Variants in U2SURP observed in about 807,000 individuals in gnomAD.
U2SURP encodes the protein U2 snRNP associated SURP domain containing.
A neutral mutation model predicts 144.9 loss-of-function variants in U2SURP; 9 were observed. The ratio of observed to expected loss-of-function variants is 0.06; its 90% CI spans 0.04 to 0.11. U2SURP has a LOEUF of 0.11. Among genes scored for constraint, U2SURP ranks in the 10% least tolerant of loss-of-function variants. The pLI is 1.00. For synonymous variants in U2SURP, 408 were observed against 396.8 expected (o/e 1.03, Z -0.33); for missense variants, 724 against 1,226.7 (o/e 0.59, Z 6.12).
rs552532897 is a variant in U2SURP at position 143,031,032 on chromosome 3, T to C, written c.1611-1752T>C. The stretch of plus-strand genomic sequence containing the variant: ...GTAGAGGAAGTAACTCCAGATATGG[T>C]AGAAATAGCAAGGGAACTAGAATTA... On this transcript the variant is annotated intron_variant, in intron 16 of 27. Coordinates refer to ENST00000473835, the MANE Select transcript of U2SURP (RefSeq NM_001080415.2). Among the ~76,000 whole-genome samples, 5 of 152,354 alleles carry C rather than the reference T, an allele frequency of 3.3e-5. No individual in the cohort carries two copies. In the South Asian group the frequency reaches 1.0e-3, roughly 32 times the overall value.
chr3:143,052,354 A>G (rs1173297314), intron 25 of U2SURP, among the ~76,000 whole-genome samples: 1 of 152,160 alleles, frequency 6.6e-6, no homozygotes, highest in Non-Finnish European at 1.5e-5. Flanking sequence ...AGATCGTGCT[A>G]TTACACTCTA....
intron 23 of U2SURP, among the ~76,000 whole-genome samples, chr3:143,041,161 A>AAAGTCACGTCCTTATTGAGTCTTCTCAAT (rs1934082577): frequency 6.6e-6 from 1 of 151,944 alleles, no homozygotes; most frequent in Non-Finnish European, 1.5e-5. Context: ...TCAGTTTAAC[A>AAAGTCACGTCCTTATTGAGTCTTCTCAAT]AAGTCACGTC....
intron 1 of U2SURP, among the ~76,000 whole-genome samples, chr3:143,008,906 G>A (rs946739462): frequency 2.0e-5 from 3 of 152,078 alleles, no homozygotes; most frequent in Non-Finnish European, 2.9e-5. Flanking sequence ...GACTACAGGC[G>A]CCTGGCTAAT....
At chr3:143,003,673 A>ATTT (rs1935655594) in intron 1 of U2SURP, among the ~76,000 whole-genome samples, 1 of 81,938 alleles carries the variant, frequency 1.2e-5, no homozygotes, top group Admixed American at 1.4e-4. Context: ...TATTTATTTT[A>ATTT]TTTCTTTTTT....
At chr3:143,012,408 CTG>C in intron 3 of U2SURP, 55 bp downstream of exon 3, 1 of 1,452,606 alleles carries the variant, frequency 6.9e-7, no homozygotes, top group Non-Finnish European at 9.1e-7. Context: ...TGATTTTAAT[CTG>C]TCTTTGACTG....
chr3:143,056,564 GTT>G lies in U2SURP; in HGVS notation c.*116_*117del. On this transcript the variant is annotated 3_prime_UTR_variant, in exon 28 of 28. Coordinates refer to ENST00000473835, the MANE Select transcript of U2SURP (RefSeq NM_001080415.2). ...TGAAAGAGCATTCCTGGGGTTTTTT[GTT>G]TGTTTGTGTATGCATGTGTAAACTC... The G allele has an allele frequency of 7.5e-7, 1 of 1,333,562 alleles. No homozygotes were observed. The highest frequency in any genetic ancestry group is 2.5e-5 in the East Asian group (1 of 40,392). The allele number at this position is 1,333,562 out of a possible 1,614,324, so 82.6% of individuals were successfully genotyped here. A position where few individuals can be genotyped will look rare whatever the true frequency, so the allele number is the denominator to read the frequency against.
chr3:143,043,056 CTG>C, intron 23 of U2SURP, 59 bp from the exon 24 acceptor site: 3 of 1,426,356 alleles, frequency 2.1e-6, no homozygotes, highest in Non-Finnish European at 2.8e-6. Context: ...AATAGGTAGA[CTG>C]TAAAATATGG....
intron 6 of U2SURP, chr3:143,017,301 T>G: frequency 5.4e-6 from 1 of 185,912 alleles, no homozygotes; most frequent in Non-Finnish European, 1.1e-5. Flanking sequence ...TAAGCATTTC[T>G]GAACTGAGGT....
chr3:143,032,951 G>A lies in U2SURP; in HGVS notation c.1773+5G>A, dbSNP rs775520581. 6.2e-7 allele frequency: 1 copy of A among 1,606,320 alleles called. No individual in the cohort carries two copies. The highest frequency in any genetic ancestry group is 2.2e-5 in the East Asian group (1 of 44,726). ...AAGACACCCCTTCCTAAAAAGGTATGGGAATGAATTTTAAGAAAAGGGGAG... is the reference window on the plus strand; with the variant it reads ...AAGACACCCCTTCCTAAAAAGGTATAGGAATGAATTTTAAGAAAAGGGGAG... On this transcript the variant is annotated splice_donor_5th_base_variant and intron_variant, in intron 17 of 27. Transcript: ENST00000473835.
chr3:143,032,979 A>G (rs1933590580), intron 17 of U2SURP, 33 bp downstream of exon 17: 2 of 1,595,570 alleles, frequency 1.3e-6, no homozygotes, highest in South Asian at 1.1e-5. Flanking sequence ...AAGGGGAGAT[A>G]GTTGACGTCT....
chr3:143,024,168 C>A, intron 13 of U2SURP, 150 bp downstream of exon 13: 1 of 695,130 alleles, frequency 1.4e-6, no homozygotes, highest in Non-Finnish European at 2.5e-6. Context: ...TGAAATTTAA[C>A]TAACTTTTGT....
At chr3:143,011,622 C>T (rs1378288894) in intron 2 of U2SURP, among the ~76,000 whole-genome samples, 1 of 152,070 alleles carries the variant, frequency 6.6e-6, no homozygotes, top group Non-Finnish European at 1.5e-5. Flanking sequence ...TCATTATATT[C>T]TTCCCCACCA....
intron 4 of U2SURP, among the ~76,000 whole-genome samples, chr3:143,014,793 A>G (rs1462486416): frequency 6.6e-6 from 1 of 152,060 alleles, no homozygotes; most frequent in African/African-American, 2.4e-5. Flanking sequence ...GTATATAGAA[A>G]TACTCCTTAT....
intron 24 of U2SURP, among the ~76,000 whole-genome samples, chr3:143,043,830 G>A (rs903855419): frequency 2.0e-5 from 3 of 150,764 alleles, no homozygotes; most frequent in Non-Finnish European, 3.0e-5. Context: ...GTGCAGTGGC[G>A]CAGTCTCGGC....
chr3:143,034,329 G>T lies in U2SURP; in HGVS notation c.1854-559G>T, dbSNP rs575393430. 1.8e-3 allele frequency among the ~76,000 whole-genome samples: 267 copies of T among 152,142 alleles called. 1 individual carries two copies. The highest frequency in any genetic ancestry group is 6.3e-3 in the African/African-American group (262 of 41,502). On this transcript the variant is annotated intron_variant, in intron 18 of 27. Transcript: ENST00000473835. ...TGAGGCAGGAGAATCGCTTGAACCC[G>T]GGAGGCGGAGGTTGCAGTGAGCCGA...
At chr3:143,052,387 ACT>A (rs1427463366) in intron 25 of U2SURP, among the ~76,000 whole-genome samples, 1 of 89,160 alleles carries the variant, frequency 1.1e-5, no homozygotes, top group African/African-American at 4.7e-5. Flanking sequence ...AGAGTGGAAA[ACT>A]CTGTCTAAAA....
intron 27 of U2SURP, 36 bp from the exon 28 acceptor site, chr3:143,056,276 C>G: frequency 1.3e-6 from 2 of 1,568,366 alleles, no homozygotes; most frequent in Non-Finnish European, 1.7e-6. Flanking sequence ...CACATGAGTA[C>G]TTTATCAATT....
chr3:143,030,863 T>C (rs546137665), intron 16 of U2SURP, among the ~76,000 whole-genome samples: 45 of 152,246 alleles, frequency 3.0e-4, no homozygotes, highest in African/African-American at 9.9e-4. Flanking sequence ...CTGAGCAATA[T>C]AGTGAGACCC....
At chr3:143,025,684 T>C (rs1188864708) in intron 13 of U2SURP, 1 of 152,132 alleles carries the variant, frequency 6.6e-6, no homozygotes, top group Non-Finnish European at 1.5e-5. Flanking sequence ...AATTAAGCAA[T>C]GTTTTTAGTT....
Sources: allele counts gnomAD v4.1 joint callset (sites outside exome capture counted in the v4.1 genomes callset), GRCh38; gene constraint gnomAD v4.1.1; transcripts MANE v1.5; gene names NCBI Gene and HGNC (gene_info 2026-07-23, HGNC 2026-07-21).